NXPE2: variants seen among roughly 807,000 people sequenced by gnomAD.
The protein encoded by NXPE2 is NXPE family member 2.
NXPE2 carries 34 observed loss-of-function variants against 34.4 expected under a neutral mutation model. The observed-to-expected ratio is 0.99, with a 90% CI of 0.75 to 1.31. NXPE2 has a LOEUF of 1.31. Ranked by LOEUF, NXPE2 falls within the 40% of genes most tolerant of loss-of-function variation. The pLI, the probability that NXPE2 is intolerant of heterozygous loss-of-function variation, is 0.00. For missense variants in NXPE2, 649 were observed against 672.5 expected, an observed-to-expected ratio of 0.97 and a Z score of 0.39; for synonymous variants, 235 against 231.3, an observed-to-expected ratio of 1.02 and a Z score of -0.15.
At chr11:114,580,554 G>A in the NXPE2 span, among the ~76,000 whole-genome samples, 6 of 151,898 alleles carry the variant, frequency 4.0e-5, no homozygotes, top group South Asian at 6.2e-4. Context: ...ATTAATGTTC[G>A]TTATAAGAGT....
chr11:114,614,703 C>G, the NXPE2 span, among the ~76,000 whole-genome samples: 2 of 151,076 alleles, frequency 1.3e-5, no homozygotes, highest in African/African-American at 2.4e-5. Flanking sequence ...ACCACTGTTA[C>G]CTGGTGGATA....
chr11:114,779,188 T>G, the NXPE2 span, among the ~76,000 whole-genome samples: 2 of 152,246 alleles, frequency 1.3e-5, no homozygotes, highest in African/African-American at 4.8e-5. Flanking sequence ...AAACTTTTCT[T>G]CCTTCGCCAG....
At chr11:114,583,228 G>T in the NXPE2 span, 2,006 of 692,492 alleles carry the variant, frequency 2.9e-3, 14 homozygotes, top group Middle Eastern at 0.013. Flanking sequence ...TGACAGGAGA[G>T]ACAGAGGGAC....
At chr11:114,528,792 G>T in the NXPE2 span, 1 of 676,204 alleles carries the variant, frequency 1.5e-6, no homozygotes, top group Non-Finnish European at 2.7e-6. Context: ...GATATAAGTG[G>T]TACCTGATTT....
the NXPE2 span, among the ~76,000 whole-genome samples, chr11:114,511,371 T>A: frequency 6.6e-6 from 1 of 152,084 alleles, no homozygotes; most frequent in Non-Finnish European, 1.5e-5. Context: ...AGGGAGCACA[T>A]CTCTCTTGAG....
the NXPE2 span, among the ~76,000 whole-genome samples, chr11:114,602,513 G>T: frequency 7.4e-6 from 1 of 135,582 alleles, no homozygotes; most frequent in African/African-American, 2.7e-5. Context: ...GTAAATTATA[G>T]ATTATACCAC....
At chr11:114,606,819 A>T in the NXPE2 span, among the ~76,000 whole-genome samples, 6 of 151,742 alleles carry the variant, frequency 4.0e-5, no homozygotes, top group African/African-American at 1.2e-4. Flanking sequence ...AACCACTGTT[A>T]CCCAGTCGAT....
chr11:114,659,552 T>C, the NXPE2 span, among the ~76,000 whole-genome samples: 2 of 151,252 alleles, frequency 1.3e-5, no homozygotes, highest in Non-Finnish European at 2.9e-5. Flanking sequence ...TATTTTGAAA[T>C]GAAACAACAT....
At chr11:114,575,380 T>C in the NXPE2 span, among the ~76,000 whole-genome samples, 1 of 152,024 alleles carries the variant, frequency 6.6e-6, no homozygotes, top group African/African-American at 2.4e-5. Context: ...GACATCCGAA[T>C]TGGTAAAGAG....
At chr11:114,629,791 TCTC>T in the NXPE2 span, among the ~76,000 whole-genome samples, 1 of 150,448 alleles carries the variant, frequency 6.6e-6, no homozygotes, top group Non-Finnish European at 1.5e-5. Flanking sequence ...CAGCCCAAAA[TCTC>T]CTCAAGCTGA....
At chr11:114,654,612 G>A in the NXPE2 span, among the ~76,000 whole-genome samples, 13 of 152,066 alleles carry the variant, frequency 8.5e-5, no homozygotes, top group Admixed American at 3.3e-4. Context: ...TGAGGATGAT[G>A]GCTTCCAGCT....
the NXPE2 span, among the ~76,000 whole-genome samples, chr11:114,650,907 G>T: frequency 6.6e-6 from 1 of 152,064 alleles, no homozygotes; most frequent in Non-Finnish European, 1.5e-5. Flanking sequence ...TGGTGGAGGG[G>T]CAGCCTGGTA....
At chr11:114,493,369 G>C in the NXPE2 span, among the ~76,000 whole-genome samples, 1 of 151,912 alleles carries the variant, frequency 6.6e-6, no homozygotes, top group Non-Finnish European at 1.5e-5. Flanking sequence ...TTTGTTTTCT[G>C]GTTACTTTCT....
At chr11:114,682,795 AC>A (rs1237587991) in intron 2 of NXPE2, among the ~76,000 whole-genome samples, 1 of 151,988 alleles carries the variant, frequency 6.6e-6, no homozygotes, top group Non-Finnish European at 1.5e-5. Context: ...TTTCCTTTAG[AC>A]CTTTAAGAAA....
the NXPE2 span, among the ~76,000 whole-genome samples, chr11:114,491,126 C>T: frequency 7.5e-6 from 1 of 133,776 alleles, no homozygotes; most frequent in Non-Finnish European, 1.6e-5. Context: ...TGCGCCACTG[C>T]AGTCCGCAGT....
chr11:114,629,819 A>G, the NXPE2 span, among the ~76,000 whole-genome samples: 841 of 151,038 alleles, frequency 5.6e-3, 9 homozygotes, highest in Non-Finnish European at 9.2e-3. Flanking sequence ...CAACTTCAGC[A>G]AAGTCTCAGG....
Position 114,698,548 on chromosome 11 carries a change from T to C in NXPE2, c.636T>C (p.Asp212=). ...ALWRARNQGC[D]RIIFTGLFAN... Reference sequence around the variant, plus strand: ...GGAGGGCAAGGAACCAAGGATGTGATAGGATCATCTTCACTGGCCTGTTTG... The same window carrying C: ...GGAGGGCAAGGAACCAAGGATGTGACAGGATCATCTTCACTGGCCTGTTTG... Residue 212 remains aspartate, a synonymous_variant, in exon 3 of 6, where the codon GAT becomes GAC. Coordinates refer to ENST00000389586, the MANE Select transcript of NXPE2 (RefSeq NM_182495.6). 2 of 1,614,168 alleles carry C rather than the reference T, an allele frequency of 1.2e-6. No individual in the cohort carries two copies. The highest frequency in any genetic ancestry group is 8.5e-7 in the Non-Finnish European group (1 of 1,180,004).
At chr11:114,586,790 G>A in the NXPE2 span, among the ~76,000 whole-genome samples, 2 of 151,988 alleles carry the variant, frequency 1.3e-5, no homozygotes, top group African/African-American at 2.4e-5. Flanking sequence ...TTTCCTATCC[G>A]CAACTTCCAT....
chr11:114,768,816 A>G, the NXPE2 span, among the ~76,000 whole-genome samples: 4 of 152,108 alleles, frequency 2.6e-5, no homozygotes, highest in Non-Finnish European at 4.4e-5. Flanking sequence ...GGCTGAGACA[A>G]TGGGGTTTTC....
Sources: allele counts gnomAD v4.1 joint callset (sites outside exome capture counted in the v4.1 genomes callset), GRCh38; gene constraint gnomAD v4.1.1; transcripts MANE v1.5; gene names NCBI Gene and HGNC (gene_info 2026-07-23, HGNC 2026-07-21).